Variants in FOXN2 observed in about 807,000 individuals in gnomAD.
The protein encoded by FOXN2 is forkhead box N2, also known as forkhead box protein N2.
In FOXN2, 19 loss-of-function variants were observed where a neutral mutation model predicts 41.2. The ratio of observed to expected loss-of-function variants is 0.46; its 90% CI spans 0.32 to 0.68. FOXN2 has a LOEUF of 0.68. FOXN2 is among the 30% of genes least tolerant of loss of function. The pLI is 0.03. For missense variants in FOXN2, 587 were observed against 509.4 expected (o/e 1.15, Z -1.47); for synonymous variants, 195 against 176.8 (o/e 1.10, Z -0.82).
intron 4 of FOXN2, among the ~76,000 whole-genome samples, chr2:48,360,858 C>A (rs1459539988): frequency 1.4e-5 from 2 of 144,902 alleles, no homozygotes; most frequent in Admixed American, 1.4e-4. Context: ...ACCAAAAATA[C>A]AAAAATTAGC....
intron 3 of FOXN2, among the ~76,000 whole-genome samples, chr2:48,357,425 A>G (rs1430723096): frequency 6.6e-6 from 1 of 152,154 alleles, no homozygotes; most frequent in Non-Finnish European, 1.5e-5. Flanking sequence ...ATGAAAAGTA[A>G]TGCTGCGTAT....
At chr2:48,357,828 T>C (rs1174251783) in intron 3 of FOXN2, among the ~76,000 whole-genome samples, 1 of 139,974 alleles carries the variant, frequency 7.1e-6, no homozygotes, top group African/African-American at 2.7e-5. Context: ...TTTCATTTAA[T>C]CCAAAAATAC....
intron 3 of FOXN2, among the ~76,000 whole-genome samples, chr2:48,358,380 T>C (rs1251820045): frequency 1.3e-5 from 2 of 152,204 alleles, no homozygotes; most frequent in African/African-American, 4.8e-5. Flanking sequence ...CATTGTTGTT[T>C]TACTTTACGG....
intron 1 of FOXN2, among the ~76,000 whole-genome samples, chr2:48,324,107 A>G (rs1353602218): frequency 6.6e-6 from 1 of 152,154 alleles, no homozygotes; most frequent in Non-Finnish European, 1.5e-5. Flanking sequence ...GAGACCTGAA[A>G]TTTAGAAAGT....
chr2:48,367,514 C>G (rs140792412), intron 5 of FOXN2, among the ~76,000 whole-genome samples: 5 of 152,304 alleles, frequency 3.3e-5, no homozygotes, highest in Admixed American at 2.6e-4. Flanking sequence ...TTTATTGAAA[C>G]TATTCTTCTA....
intron 5 of FOXN2, among the ~76,000 whole-genome samples, chr2:48,363,565 C>T (rs983291040): frequency 2.0e-5 from 3 of 152,204 alleles, no homozygotes; most frequent in Admixed American, 6.5e-5. Flanking sequence ...TCACCCAGAG[C>T]AATTCCGGTC....
chr2:48,347,837 A>C lies in FOXN2; in HGVS notation c.537+1086A>C, dbSNP rs531588585. Among the ~76,000 whole-genome samples, 21 of 152,100 alleles carry C rather than the reference A, an allele frequency of 1.4e-4. 1 individual carries two copies. Among genetic ancestry groups the C allele is most frequent in the African/African-American group, 4.8e-4 (20 of 41,494 alleles). On this transcript the variant is annotated intron_variant, in intron 3 of 6. Transcript: ENST00000340553. Reference sequence around the variant, plus strand: ...ACTTTTTTGTGGGGTGCAGGTTTAGAATTCTAGGTTGACATTTTTTTCTTC... The same window carrying C: ...ACTTTTTTGTGGGGTGCAGGTTTAGCATTCTAGGTTGACATTTTTTTCTTC...
intron 2 of FOXN2, among the ~76,000 whole-genome samples, chr2:48,340,027 G>A (rs1670638662): frequency 6.6e-6 from 1 of 152,160 alleles, no homozygotes; most frequent in Non-Finnish European, 1.5e-5. Flanking sequence ...AATTTTATGT[G>A]ATGTTTAAAT....
intron 2 of FOXN2, among the ~76,000 whole-genome samples, chr2:48,337,822 A>C (rs1670466609): frequency 6.6e-6 from 1 of 152,220 alleles, no homozygotes; most frequent in South Asian, 2.1e-4. Flanking sequence ...ATAGCCACAA[A>C]ATAAAGCAAA....
At chr2:48,355,862 A>G (rs530736312) in intron 3 of FOXN2, among the ~76,000 whole-genome samples, 1 of 152,294 alleles carries the variant, frequency 6.6e-6, no homozygotes, top group South Asian at 2.1e-4. Flanking sequence ...AGGTCTAACA[A>G]TCCTGGTTTG....
At chr2:48,374,601 T>C (rs978418675) in intron 6 of FOXN2, among the ~76,000 whole-genome samples, 2 of 152,168 alleles carry the variant, frequency 1.3e-5, no homozygotes, top group Admixed American at 6.5e-5. Context: ...TTTATACTAA[T>C]GAAAAATTGG....
chr2:48,369,225 A>G (rs904446203), intron 5 of FOXN2, among the ~76,000 whole-genome samples: 1 of 152,192 alleles, frequency 6.6e-6, no homozygotes, highest in African/African-American at 2.4e-5. Context: ...TCCTTGAATC[A>G]TAATGGATGT....
intron 1 of FOXN2, among the ~76,000 whole-genome samples, chr2:48,319,602 C>A (rs1478431172): frequency 6.8e-6 from 1 of 146,550 alleles, no homozygotes. Context: ...ACAGAATTTT[C>A]ATATATTTAA....
intron 1 of FOXN2, among the ~76,000 whole-genome samples, chr2:48,323,030 C>G (rs1345326146): frequency 6.6e-6 from 1 of 151,618 alleles, no homozygotes; most frequent in African/African-American, 2.4e-5. Context: ...ACATATTCTT[C>G]TAAACATACA....
chr2:48,358,994 G>T, intron 3 of FOXN2, 53 bp from the exon 4 acceptor site: 1 of 1,333,642 alleles, frequency 7.5e-7, no homozygotes, highest in Non-Finnish European at 1.1e-6. Context: ...ACATTTAGAC[G>T]CTGACTGTTT....
chr2:48,373,289 C>A lies in FOXN2; in HGVS notation c.704-3C>A. On this transcript the variant is annotated splice_region_variant and splice_polypyrimidine_tract_variant and intron_variant, in intron 5 of 6. Coordinates refer to ENST00000340553, the MANE Select transcript of FOXN2 (RefSeq NM_002158.4). ...TTAATATTATTACTTTTTCCCTTTTCAGAATCTGATATTGATGCTGCTGCT... is the reference window on the plus strand; with the variant it reads ...TTAATATTATTACTTTTTCCCTTTTAAGAATCTGATATTGATGCTGCTGCT... 6.3e-7 allele frequency: 1 copy of A among 1,583,714 alleles called. No homozygotes were observed. The highest frequency in any genetic ancestry group is 1.1e-5 in the South Asian group (1 of 88,204).
rs111261386 is a variant in FOXN2, at chr2:48,323,373, C to G, written c.-156-5188C>G. ...CACCAACAGTGTATGCGCATTCCCC[C>G]TTTCTCCACATCCTTGCCAGCATTG... is the stretch of plus-strand genomic sequence containing the variant. On this transcript the variant is annotated intron_variant, in intron 1 of 6. Transcript: ENST00000340553. Among the ~76,000 whole-genome samples the G allele has an allele frequency of 3.4e-3, 515 of 152,274 alleles. 6 individuals are homozygous for G. Among genetic ancestry groups the G allele is most frequent in the African/African-American group, 0.012 (486 of 41,560 alleles).
chr2:48,333,905 G>A (rs1039616288), intron 2 of FOXN2, among the ~76,000 whole-genome samples: 11 of 152,180 alleles, frequency 7.2e-5, no homozygotes, highest in African/African-American at 1.9e-4. Context: ...GTGTGTGTGT[G>A]TATGTCACCT....
intron 6 of FOXN2, 129 bp downstream of exon 6, chr2:48,373,489 A>T (rs1300559360): frequency 8.8e-6 from 5 of 566,268 alleles, no homozygotes; most frequent in East Asian, 3.3e-5. Flanking sequence ...TGAGTAACTC[A>T]GTTTCTGTTT....
Sources: allele counts gnomAD v4.1 joint callset (sites outside exome capture counted in the v4.1 genomes callset), GRCh38; gene constraint gnomAD v4.1.1; transcripts MANE v1.5; gene names NCBI Gene and HGNC (gene_info 2026-07-23, HGNC 2026-07-21).